The following TMED5 variants were observed in gnomAD, a reference collection of about 807,000 sequenced individuals.
The protein encoded by TMED5 is transmembrane emp24 domain-containing protein 5.
Under a neutral mutation model 23.0 loss-of-function variants are expected in TMED5, and 27 were observed. The observed-to-expected ratio is 1.17, with a 90% confidence interval of 0.86 to 1.62. The LOEUF (loss-of-function observed/expected upper bound fraction) is 1.62, where lower values mean the gene tolerates loss of function less well. Among genes scored for constraint, TMED5 ranks in the 40% most tolerant of loss-of-function variants. TMED5 has a pLI of 0.00. For synonymous variants in TMED5, 97 were observed against 100.8 expected (o/e 0.96, Z 0.23); for missense variants, 248 against 273.7 (o/e 0.91, Z 0.66).
At chr1:93,156,745 A>G (rs1049239324) in intron 2 of TMED5, among the ~76,000 whole-genome samples, 8 of 145,574 alleles carry the variant, frequency 5.5e-5, no homozygotes, top group African/African-American at 1.7e-4. Context: ...AAGGTTGAAG[A>G]TGCAGTGAGG....
In TMED5 at chr1:93,151,659, G is replaced by C. The variant is rs1408812842; in HGVS notation, c.*3011C>G. 8.5e-5 allele frequency: 13 copies of C among 152,162 alleles called. No homozygotes were observed. Among genetic ancestry groups the C allele is most frequent in the South Asian group, 2.1e-4 (1 of 4,828 alleles). The allele number at this position is 152,162 out of a possible 1,614,324, so 9.4% of individuals were successfully genotyped here. The stretch of plus-strand genomic sequence containing the variant: ...GCAAAAACTGTACCTTTTAGGAACA[G>C]TGCATGTTTAGGCAACAGGTGAATA... On this transcript the variant is annotated 3_prime_UTR_variant, in exon 4 of 4. Coordinates refer to ENST00000370282, the MANE Select transcript of TMED5 (RefSeq NM_016040.5).
chr1:93,179,784 C>G (rs1232772554), intron 1 of TMED5: 1 of 432,078 alleles, frequency 2.3e-6, no homozygotes, highest in African/African-American at 2.1e-5. Context: ...GAAAAGCCAG[C>G]GACATCACCA....
rs756870052 is a variant in TMED5 at position 93,180,078 on chromosome 1, C to T, written c.165G>A (p.Lys55=). Residue 55 remains lysine, a synonymous_variant, in exon 1 of 4, where the codon AAG becomes AAA. Transcript: ENST00000370282. ...KECFYQPMPL[K]ASLEIEYQVL... is the part of the protein sequence containing the mutation. ...CTTGGTACTCGATCTCCAGCGAGGC[C>T]TTCAGGGGCATGGGCTGGTAGAAGC... 27 of 1,613,432 alleles carry T rather than the reference C, an allele frequency of 1.7e-5. No homozygotes were observed. The highest frequency in any genetic ancestry group is 2.3e-5 in the Non-Finnish European group (27 of 1,179,744).
At chr1:93,166,008 C>T (rs1303447187) in intron 1 of TMED5, among the ~76,000 whole-genome samples, 7 of 152,104 alleles carry the variant, frequency 4.6e-5, no homozygotes, top group African/African-American at 1.4e-4. Flanking sequence ...TAAGTGAGAA[C>T]GTGATATTTG....
At chr1:93,161,804 C>T (rs1648287548) in intron 1 of TMED5, 1 of 152,204 alleles carries the variant, frequency 6.6e-6, no homozygotes, top group Admixed American at 6.5e-5. Context: ...GCATATCCAA[C>T]ATAGATGATA....
At chr1:93,175,316 T>TACACACAC (rs376330795) in intron 1 of TMED5, among the ~76,000 whole-genome samples, 15 of 129,068 alleles carry the variant, frequency 1.2e-4, no homozygotes, top group East Asian at 2.1e-4. Context: ...TATATATATA[T>TACACACAC]ACACACACAC....
intron 1 of TMED5, among the ~76,000 whole-genome samples, chr1:93,163,813 T>TA (rs112859271): frequency 0.01 from 1,445 of 141,616 alleles, 15 homozygotes; most frequent in African/African-American, 0.02. Flanking sequence ...CTGTCTCTAA[T>TA]AAAAAAAAAA....
In TMED5 at chr1:93,153,908, G is replaced by C. The variant is rs1207136615; in HGVS notation, c.*762C>G. The C allele has an allele frequency of 6.6e-6, 1 of 152,300 alleles. No individual in the cohort carries two copies. Among genetic ancestry groups the C allele is most frequent in the Non-Finnish European group, 1.5e-5 (1 of 67,966 alleles). 9.4% of individuals were successfully genotyped at this position (152,300 alleles called of 1,614,324 possible). Reference sequence around the variant, plus strand: ...TTTAAAATCCTACACTTTAGTTAAGGGTTAGAGAAAATGTGTCCCTATGGA... The same window carrying C: ...TTTAAAATCCTACACTTTAGTTAAGCGTTAGAGAAAATGTGTCCCTATGGA... On this transcript the variant is annotated 3_prime_UTR_variant, in exon 4 of 4. Coordinates refer to ENST00000370282, the MANE Select transcript of TMED5 (RefSeq NM_016040.5).
At chr1:93,179,810 C>A in intron 1 of TMED5, 1 of 492,404 alleles carries the variant, frequency 2.0e-6, no homozygotes, top group Non-Finnish European at 3.6e-6. Flanking sequence ...GGCCTCCTTC[C>A]CACCGGAGGA....
At chr1:93,162,253 A>G (rs1386222735) in intron 1 of TMED5, 1 of 152,250 alleles carries the variant, frequency 6.6e-6, no homozygotes, top group Non-Finnish European at 1.5e-5. Context: ...GGCTAAATGT[A>G]CATAATTTTC....
chr1:93,177,407 G>A (rs567578173), intron 1 of TMED5, among the ~76,000 whole-genome samples: 12 of 151,682 alleles, frequency 7.9e-5, no homozygotes, highest in Admixed American at 2.0e-4. Flanking sequence ...GTGAAACCCC[G>A]TCTCTACTAA....
chr1:93,179,650 C>G (rs1649187144), intron 1 of TMED5, among the ~76,000 whole-genome samples: 1 of 152,218 alleles, frequency 6.6e-6, no homozygotes, highest in South Asian at 2.1e-4. Flanking sequence ...GGGGGTGATT[C>G]AAACAAGTGT....
chr1:93,174,629 T>C (rs960286213), intron 1 of TMED5, among the ~76,000 whole-genome samples: 1 of 152,204 alleles, frequency 6.6e-6, no homozygotes, highest in African/African-American at 2.4e-5. Context: ...TTTCTGTGCC[T>C]CTCTGTCCTT....
Position 93,150,231 on chromosome 1 carries a change from A to G in TMED5, c.*4439T>C, listed in dbSNP as rs1045783898. On this transcript the variant is annotated 3_prime_UTR_variant, in exon 4 of 4. Transcript: ENST00000370282. Reference sequence around the variant, plus strand: ...AGAATCATACAGTGTGTAAAACTTTAGGATTGTCCCCCCAAACCACCCAAG... The same window carrying G: ...AGAATCATACAGTGTGTAAAACTTTGGGATTGTCCCCCCAAACCACCCAAG... 5 of 152,182 alleles carry G rather than the reference A, an allele frequency of 3.3e-5. No homozygotes were observed. Among genetic ancestry groups the G allele is most frequent in the African/African-American group, 1.2e-4 (5 of 41,444 alleles). The allele number at this position is 152,182 out of a possible 1,614,324, so 9.4% of individuals were successfully genotyped here. A position where few individuals can be genotyped will look rare whatever the true frequency, so the allele number is the denominator to read the frequency against.
chr1:93,164,732 C>T (rs781523319), intron 1 of TMED5, among the ~76,000 whole-genome samples: 4 of 152,110 alleles, frequency 2.6e-5, no homozygotes, highest in African/African-American at 2.4e-5. Context: ...AGGGCACACA[C>T]GATTCACATA....
chr1:93,173,955 G>T (rs1487767182), intron 1 of TMED5, among the ~76,000 whole-genome samples: 1 of 150,248 alleles, frequency 6.7e-6, no homozygotes, highest in Non-Finnish European at 1.5e-5. Flanking sequence ...TTACAAAGAG[G>T]TTTTTTTTTG....
Position 93,149,892 on chromosome 1 carries a change from C to T in TMED5, c.*4778G>A, listed in dbSNP as rs1270077867. 1 of 152,192 alleles carries T rather than the reference C, an allele frequency of 6.6e-6. No individual in the cohort carries two copies. The highest frequency in any genetic ancestry group is 1.5e-5 in the Non-Finnish European group (1 of 68,030). 9.4% of individuals were successfully genotyped at this position (152,192 alleles called of 1,614,324 possible). On this transcript the variant is annotated 3_prime_UTR_variant, in exon 4 of 4. Transcript: ENST00000370282. ...ACAGGCCGGACATGGTGGCTCACGC[C>T]TGTAATCTCAGCACTTGGGAAGTTG...
chr1:93,170,387 G>A (rs1557577273), intron 1 of TMED5, among the ~76,000 whole-genome samples: 1 of 152,342 alleles, frequency 6.6e-6, no homozygotes, highest in South Asian at 2.1e-4. Context: ...CAAGCCCTGG[G>A]CAGTGAGAAG....
At position 93,173,688 on chromosome 1, in the gene TMED5, A is replaced by G. The variant is rs924200166; in HGVS notation, c.189+6366T>C. 3.3e-5 allele frequency among the ~76,000 whole-genome samples: 5 copies of G among 152,376 alleles called. No homozygotes were observed. The South Asian group carries it at 8.3e-4, about 25-fold the overall frequency. ...AAGTCAAGAGAGCAGAGCCGTAAGAACCAGAGGAAAACAAATTAAGCCTGA... is the reference window on the plus strand; with the variant it reads ...AAGTCAAGAGAGCAGAGCCGTAAGAGCCAGAGGAAAACAAATTAAGCCTGA... On this transcript the variant is annotated intron_variant, in intron 1 of 3. Transcript: ENST00000370282.
Sources: allele counts gnomAD v4.1 joint callset (sites outside exome capture counted in the v4.1 genomes callset), GRCh38; gene constraint gnomAD v4.1.1; transcripts MANE v1.5; gene names NCBI Gene and HGNC (gene_info 2026-07-23, HGNC 2026-07-21).